PYM1: variants seen among roughly 807,000 people sequenced by gnomAD.
PYM1 encodes PYM1 exon junction complex associated factor.
PYM1 carries 7 observed loss-of-function variants against 20.7 expected under a neutral mutation model. The observed-to-expected ratio is 0.34, with a 90% CI of 0.19 to 0.64. The LOEUF is 0.64. Ranked by LOEUF, PYM1 falls within the 30% of genes least tolerant of loss-of-function variation. The probability of loss-of-function intolerance (pLI) is 0.74; values close to 1 mark genes in which losing one functional copy is unlikely to be tolerated. For synonymous variants in PYM1, 100 were observed against 99.2 expected (o/e 1.01, Z -0.05); for missense variants, 194 against 250.0 (o/e 0.78, Z 1.51).
intron 1 of PYM1, among the ~76,000 whole-genome samples, chr12:55,912,399 G>C (rs542013313): frequency 6.6e-6 from 1 of 151,988 alleles, no homozygotes; most frequent in South Asian, 2.1e-4. Context: ...AATTCTATTG[G>C]GGTGATAAGA....
rs1386221950 is a variant in PYM1, at chr12:55,927,785, T to C, written c.-24A>G. On this transcript the variant is annotated 5_prime_UTR_variant, in exon 1 of 3. Coordinates refer to ENST00000408946, the MANE Select transcript of PYM1 (RefSeq NM_032345.3). ...ATGGCCGAAGAGGCAGCGGACCAGG[T>C]TGGGCGGGCGGCCCTGGCCTGGCTC... 1 of 1,537,104 alleles carries C rather than the reference T, an allele frequency of 6.5e-7. No individual in the cohort carries two copies. Among genetic ancestry groups the C allele is most frequent in the Non-Finnish European group, 8.7e-7 (1 of 1,145,666 alleles).
intron 1 of PYM1, among the ~76,000 whole-genome samples, chr12:55,910,206 C>T (rs1364789532): frequency 1.3e-5 from 2 of 151,182 alleles, no homozygotes; most frequent in African/African-American, 4.9e-5. Context: ...TTAGGAGGTC[C>T]TGAGAACATG....
chr12:55,917,978 CA>C (rs914728589), intron 1 of PYM1, among the ~76,000 whole-genome samples: 1 of 146,558 alleles, frequency 6.8e-6, no homozygotes. Flanking sequence ...AACAAACAAA[CA>C]AAAAAAAAAC....
At chr12:55,905,741 T>TC (rs1882786466) in intron 1 of PYM1, among the ~76,000 whole-genome samples, 1 of 137,644 alleles carries the variant, frequency 7.3e-6, no homozygotes, top group Admixed American at 8.2e-5. Flanking sequence ...TATATATATT[T>TC]TATAGAATTT....
At chr12:55,905,975 A>G (rs1882808037) in intron 1 of PYM1, among the ~76,000 whole-genome samples, 1 of 129,628 alleles carries the variant, frequency 7.7e-6, no homozygotes, top group Non-Finnish European at 1.6e-5. Flanking sequence ...AGATATATAT[A>G]TTATTATATA....
rs1321814259 is a variant in PYM1, at chr12:55,905,921, T to TATATTAGA, written c.38-2442_38-2441insTCTAATAT. ...ATATATCTAATAGATATATATATTA[T>TATATTAGA]TATATATATCTAATAGATATATATA... is the stretch of plus-strand genomic sequence containing the variant. On this transcript the variant is annotated intron_variant, in intron 1 of 2. Coordinates refer to ENST00000408946, the MANE Select transcript of PYM1 (RefSeq NM_032345.3). Among the ~76,000 whole-genome samples, 11 of 103,184 alleles carry TATATTAGA rather than the reference T, an allele frequency of 1.1e-4. 1 individual carries two copies. In the South Asian group the frequency reaches 1.3e-3, roughly 13 times the overall value. The allele number at this position is 103,184 out of a possible 152,430, so 67.7% of individuals were successfully genotyped here.
At chr12:55,907,634 G>A (rs1164129964) in intron 1 of PYM1, among the ~76,000 whole-genome samples, 4 of 126,448 alleles carry the variant, frequency 3.2e-5, no homozygotes, top group Admixed American at 1.7e-4. Flanking sequence ...CTTCGTCTGG[G>A]AAAAAAAAAA....
At chr12:55,905,957 T>C (rs1346920998) in intron 1 of PYM1, among the ~76,000 whole-genome samples, 1 of 129,552 alleles carries the variant, frequency 7.7e-6, no homozygotes, top group Non-Finnish European at 1.5e-5. Flanking sequence ...TTATTATATA[T>C]ATCTAATAGA....
chr12:55,902,924 C>G (rs916178079), intron 2 of PYM1, among the ~76,000 whole-genome samples: 1 of 152,160 alleles, frequency 6.6e-6, no homozygotes, highest in South Asian at 2.1e-4. Flanking sequence ...CGTGCCACCA[C>G]GCCTGGCTGA....
rs76452205 is a variant in PYM1, at chr12:55,904,209, C to T, written c.38-729G>A. Among the ~76,000 whole-genome samples, 170 of 151,724 alleles carry T rather than the reference C, an allele frequency of 1.1e-3. 1 individual carries two copies. The East Asian group carries it at 0.021, about 19-fold the overall frequency. ...CTCGAACTCCTGACCTCAGGTGATC[C>T]GCCCGCCTCGGCCTCCCAAATTGCT... On this transcript the variant is annotated intron_variant, in intron 1 of 2. Transcript: ENST00000408946.
At chr12:55,907,002 G>C (rs1187349882) in intron 1 of PYM1, among the ~76,000 whole-genome samples, 2 of 151,790 alleles carry the variant, frequency 1.3e-5, no homozygotes, top group Non-Finnish European at 2.9e-5. Context: ...CATGTAGTCT[G>C]TGTACAGGGA....
intron 1 of PYM1, among the ~76,000 whole-genome samples, chr12:55,904,843 A>G (rs1882764713): frequency 6.6e-6 from 1 of 151,510 alleles, no homozygotes; most frequent in African/African-American, 2.4e-5. Context: ...AAATAAAATA[A>G]ATGTTCTGAC....
chr12:55,910,509 C>T (rs1882904209), intron 1 of PYM1, among the ~76,000 whole-genome samples: 1 of 152,038 alleles, frequency 6.6e-6, no homozygotes, highest in Non-Finnish European at 1.5e-5. Context: ...GTGGCATGAT[C>T]TTGGCTCACT....
chr12:55,904,000 A>G (rs1431144353), intron 1 of PYM1, among the ~76,000 whole-genome samples: 3 of 151,874 alleles, frequency 2.0e-5, no homozygotes, highest in Non-Finnish European at 4.4e-5. Flanking sequence ...ATGGAGTTTC[A>G]CTCTGTCACC....
At chr12:55,921,305 C>T (rs1011962582) in intron 1 of PYM1, among the ~76,000 whole-genome samples, 2 of 152,054 alleles carry the variant, frequency 1.3e-5, no homozygotes, top group African/African-American at 2.4e-5. Context: ...AATTTTAATA[C>T]GCATAATAAT....
At chr12:55,908,948 G>C (rs1882873396) in intron 1 of PYM1, among the ~76,000 whole-genome samples, 1 of 152,106 alleles carries the variant, frequency 6.6e-6, no homozygotes, top group African/African-American at 2.4e-5. Context: ...TGAGCAAAGG[G>C]GCTCAAACTT....
At chr12:55,905,423 A>G (rs977271928) in intron 1 of PYM1, among the ~76,000 whole-genome samples, 3 of 151,576 alleles carry the variant, frequency 2.0e-5, no homozygotes, top group African/African-American at 7.3e-5. Flanking sequence ...AATTCTTGGC[A>G]GGGCACAGTA....
rs938336342 is a variant in PYM1 at position 55,905,058 on chromosome 12, G to C, written c.38-1578C>G. ...GCTCTGTCGCCCAGGCTGGAGTGCA[G>C]TGGCGCAATCTCGGCTCACTGCAAG... is the stretch of plus-strand genomic sequence containing the variant. On this transcript the variant is annotated intron_variant, in intron 1 of 2. Transcript: ENST00000408946. 6.6e-5 allele frequency among the ~76,000 whole-genome samples: 10 copies of C among 151,578 alleles called. No individual in the cohort carries two copies. The East Asian group carries it at 9.9e-4, about 15-fold the overall frequency.
chr12:55,910,696 A>G (rs1476694533), intron 1 of PYM1, among the ~76,000 whole-genome samples: 1 of 152,050 alleles, frequency 6.6e-6, no homozygotes, highest in Non-Finnish European at 1.5e-5. Context: ...CACCCACCTC[A>G]GCCTCCCAAA....
Sources: allele counts gnomAD v4.1 joint callset (sites outside exome capture counted in the v4.1 genomes callset), GRCh38; gene constraint gnomAD v4.1.1; transcripts MANE v1.5; gene names NCBI Gene and HGNC (gene_info 2026-07-23, HGNC 2026-07-21).